The following GALNT13 variants were observed in gnomAD, a reference collection of about 807,000 sequenced individuals.
GALNT13 encodes polypeptide N-acetylgalactosaminyltransferase 13, also known as UDP-GalNAc:polypeptide N-acetylgalactosaminyltransferase 13.
In GALNT13, 28 loss-of-function variants were observed where a neutral mutation model predicts 64.2. The ratio of observed to expected loss-of-function variants is 0.44; its 90% CI spans 0.32 to 0.60. The LOEUF (loss-of-function observed/expected upper bound fraction) is 0.60. GALNT13 is among the 20% of genes least tolerant of loss of function. The pLI is 0.05. For missense variants in GALNT13, 577 were observed against 669.8 expected (o/e 0.86, Z 1.53); for synonymous variants, 214 against 224.6 (o/e 0.95, Z 0.42).
chr2:153,427,263 C>T, the GALNT13 span, among the ~76,000 whole-genome samples: 1 of 151,862 alleles, frequency 6.6e-6, no homozygotes, highest in African/African-American at 2.4e-5. Flanking sequence ...AAAAATAAGG[C>T]TAAATGACAG....
chr2:153,377,268 T>A, the GALNT13 span, among the ~76,000 whole-genome samples: 3 of 152,180 alleles, frequency 2.0e-5, no homozygotes, highest in Non-Finnish European at 4.4e-5. Context: ...CCTTTAGAAC[T>A]GTGAGAAATA....
the GALNT13 span, among the ~76,000 whole-genome samples, chr2:153,804,587 C>T: frequency 1.3e-5 from 2 of 151,972 alleles, no homozygotes; most frequent in Non-Finnish European, 2.9e-5. Flanking sequence ...TAAAAAAACT[C>T]GTGACTAATT....
chr2:154,113,612 AT>A (rs1234395581), intron 3 of GALNT13, among the ~76,000 whole-genome samples: 1 of 152,202 alleles, frequency 6.6e-6, no homozygotes. Context: ...AGTTGGATTT[AT>A]TTCCCATCCT....
the GALNT13 span, among the ~76,000 whole-genome samples, chr2:153,656,606 C>T: frequency 6.6e-6 from 1 of 151,996 alleles, no homozygotes; most frequent in African/African-American, 2.4e-5. Flanking sequence ...TTCTTGTAGT[C>T]ATTAAACCTC....
chr2:153,384,052 A>C, the GALNT13 span, among the ~76,000 whole-genome samples: 123,661 of 151,984 alleles, frequency 0.81, 51,438 homozygotes, highest in African/African-American at 0.9. Flanking sequence ...AGATAGCAAA[A>C]ACCCATTTTC....
At chr2:153,523,043 ATTTTTTTTT>A in the GALNT13 span, among the ~76,000 whole-genome samples, 2 of 83,404 alleles carry the variant, frequency 2.4e-5, no homozygotes, top group Non-Finnish European at 4.5e-5. Flanking sequence ...TGTGTTTACT[ATTTTTTTTT>A]TTTTTTTTTT....
At chr2:153,092,105 T>G in the GALNT13 span, among the ~76,000 whole-genome samples, 1 of 152,192 alleles carries the variant, frequency 6.6e-6, no homozygotes, top group Non-Finnish European at 1.5e-5. Context: ...AGACTGTCTT[T>G]TTTGCAGTGT....
chr2:153,679,861 A>G, the GALNT13 span, among the ~76,000 whole-genome samples: 1 of 151,832 alleles, frequency 6.6e-6, no homozygotes. Flanking sequence ...CCATCCTTTA[A>G]TCTCAATCCA....
At chr2:153,375,420 ATTTG>A in the GALNT13 span, among the ~76,000 whole-genome samples, 2 of 152,056 alleles carry the variant, frequency 1.3e-5, no homozygotes, top group African/African-American at 4.8e-5. Context: ...TCATTCAGTT[ATTTG>A]TTTGTATTTC....
the GALNT13 span, among the ~76,000 whole-genome samples, chr2:153,135,453 TGTTGAGCTGA>T: frequency 6.6e-6 from 1 of 152,142 alleles, no homozygotes. Context: ...GTAAGTGTTT[TGTTGAGCTGA>T]GTTTGATAAA....
At chr2:154,402,093 ATT>A (rs1383987317) in intron 10 of GALNT13, among the ~76,000 whole-genome samples, 7 of 152,350 alleles carry the variant, frequency 4.6e-5, no homozygotes, top group African/African-American at 1.7e-4. Flanking sequence ...TGAGGTTGAC[ATT>A]TGTAAAATAA....
At chr2:153,627,815 G>A in the GALNT13 span, among the ~76,000 whole-genome samples, 5 of 152,122 alleles carry the variant, frequency 3.3e-5, no homozygotes, top group Non-Finnish European at 7.4e-5. Context: ...TTTGGCTTGG[G>A]ATTGACTTGG....
the GALNT13 span, among the ~76,000 whole-genome samples, chr2:153,192,868 A>G: frequency 6.6e-6 from 1 of 151,878 alleles, no homozygotes; most frequent in Non-Finnish European, 1.5e-5. Flanking sequence ...TCTTCTGTGT[A>G]TAGTCTATAT....
At position 154,084,035 on chromosome 2, in the gene GALNT13, G is replaced by A. The variant is rs190597079; in HGVS notation, c.143-56302G>A. Among the ~76,000 whole-genome samples, 19 of 151,898 alleles carry A rather than the reference G, an allele frequency of 1.3e-4. No homozygotes were observed. In the East Asian group the frequency reaches 3.3e-3, roughly 26 times the overall value. Reference sequence around the variant, plus strand: ...TGTCTTGGGCTCCGTATCCACATAGGCTACCTCTGGAATACTAAAACAAAT... The same window carrying A: ...TGTCTTGGGCTCCGTATCCACATAGACTACCTCTGGAATACTAAAACAAAT... On this transcript the variant is annotated intron_variant, in intron 3 of 12. Transcript: ENST00000392825.
At chr2:153,515,581 T>G in the GALNT13 span, among the ~76,000 whole-genome samples, 1 of 152,178 alleles carries the variant, frequency 6.6e-6, no homozygotes, top group Admixed American at 6.5e-5. Context: ...CGTGCCTTCT[T>G]AAAACTTCTA....
chr2:154,026,481 G>A (rs1177584280), intron 3 of GALNT13, among the ~76,000 whole-genome samples: 1 of 152,118 alleles, frequency 6.6e-6, no homozygotes, highest in Non-Finnish European at 1.5e-5. Context: ...CACAGACTGG[G>A]TGGTATAAAC....
intron 4 of GALNT13, among the ~76,000 whole-genome samples, chr2:154,185,958 A>C (rs1320687157): frequency 1.3e-5 from 2 of 151,960 alleles, no homozygotes; most frequent in African/African-American, 4.8e-5. Context: ...TTTTTTACTT[A>C]ATTATTACAG....
chr2:154,035,659 C>T (rs1698618692), intron 3 of GALNT13, among the ~76,000 whole-genome samples: 4 of 151,974 alleles, frequency 2.6e-5, no homozygotes, highest in South Asian at 4.1e-4. Flanking sequence ...TTTATTGATG[C>T]CTAGACCAAT....
rs1435736580 is a variant in GALNT13 at position 154,450,321 on chromosome 2, A to G, written c.1531-90A>G. 4 of 1,173,206 alleles carry G rather than the reference A, an allele frequency of 3.4e-6. No individual in the cohort carries two copies. In the Admixed American group the frequency reaches 6.9e-5, roughly 20 times the overall value. 72.7% of individuals were successfully genotyped at this position (1,173,206 alleles called of 1,614,324 possible). On this transcript the variant is annotated intron_variant, in intron 12 of 12. Coordinates refer to ENST00000392825, the MANE Select transcript of GALNT13 (RefSeq NM_052917.4). ...CAGTGTATTATACTATAAAAATCATAAAGGATTTTTTAAAGAACAGATTTT... is the reference window on the plus strand; with the variant it reads ...CAGTGTATTATACTATAAAAATCATGAAGGATTTTTTAAAGAACAGATTTT...
Sources: allele counts gnomAD v4.1 joint callset (sites outside exome capture counted in the v4.1 genomes callset), GRCh38; gene constraint gnomAD v4.1.1; transcripts MANE v1.5; gene names NCBI Gene and HGNC (gene_info 2026-07-23, HGNC 2026-07-21).